Variants in FARS2 observed in about 807,000 individuals in gnomAD.
FARS2 encodes the protein phenylalanyl-tRNA synthetase 2, mitochondrial.
FARS2 carries 40 observed loss-of-function variants against 46.4 expected under a neutral mutation model. The ratio of observed to expected loss-of-function variants is 0.86; its 90% confidence interval spans 0.67 to 1.12. The LOEUF (loss-of-function observed/expected upper bound fraction) is 1.12. Among genes scored for constraint, FARS2 ranks in the 50% most tolerant of loss-of-function variants. The pLI, the probability that FARS2 is intolerant of heterozygous loss-of-function variation, is 0.00. For missense variants in FARS2, 513 were observed against 567.9 expected, an observed-to-expected ratio of 0.90 and a Z score of 0.98; for synonymous variants, 234 against 214.9, an observed-to-expected ratio of 1.09 and a Z score of -0.78.
At chr6:5,564,043 A>C (rs1401078294) in intron 5 of FARS2, among the ~76,000 whole-genome samples, 1 of 152,218 alleles carries the variant, frequency 6.6e-6, no homozygotes, top group Non-Finnish European at 1.5e-5. Flanking sequence ...AGTGATAGTA[A>C]AACTTTCATG....
At chr6:5,328,805 T>G (rs1770582824) in intron 1 of FARS2, among the ~76,000 whole-genome samples, 1 of 152,174 alleles carries the variant, frequency 6.6e-6, no homozygotes, top group African/African-American at 2.4e-5. Context: ...ACATGTAGAC[T>G]TTTTCTCTGC....
chr6:5,269,336 G>A (rs1765780100), intron 1 of FARS2, among the ~76,000 whole-genome samples: 1 of 151,534 alleles, frequency 6.6e-6, no homozygotes, highest in Non-Finnish European at 1.5e-5. Flanking sequence ...CGGGGCCTGT[G>A]GTGGGGTTGG....
intron 5 of FARS2, among the ~76,000 whole-genome samples, chr6:5,589,890 G>A (rs1165930169): frequency 1.3e-5 from 2 of 152,108 alleles, no homozygotes; most frequent in African/African-American, 2.4e-5. Flanking sequence ...TAAATGAGCT[G>A]CTATATCCTA....
At chr6:5,270,427 T>G (rs757847894) in intron 1 of FARS2, among the ~76,000 whole-genome samples, 13 of 152,186 alleles carry the variant, frequency 8.5e-5, no homozygotes, top group Non-Finnish European at 1.5e-4. Context: ...AAGTAAACTA[T>G]CCCAGATTAA....
At chr6:5,618,304 C>CA (rs1159125598) in intron 6 of FARS2, among the ~76,000 whole-genome samples, 4 of 152,302 alleles carry the variant, frequency 2.6e-5, no homozygotes, top group Non-Finnish European at 4.4e-5. Flanking sequence ...ATCTCCCCAC[C>CA]AAGTCCCTGA....
chr6:5,644,739 CT>C (rs1355753833), intron 6 of FARS2, among the ~76,000 whole-genome samples: 8 of 152,188 alleles, frequency 5.3e-5, no homozygotes, highest in Non-Finnish European at 1.0e-4. Context: ...TCATTGGCTG[CT>C]TACTTATTGT....
chr6:5,254,080 C>G, the FARS2 span, among the ~76,000 whole-genome samples: 1 of 152,206 alleles, frequency 6.6e-6, no homozygotes. Context: ...CCCGGCAAAA[C>G]TGTTTCATCT....
intron 1 of FARS2, among the ~76,000 whole-genome samples, chr6:5,367,457 T>G (rs562771327): frequency 9.2e-5 from 14 of 152,212 alleles, no homozygotes; most frequent in African/African-American, 3.4e-4. Flanking sequence ...TAAAACTGGC[T>G]TCTGTGGCAG....
At chr6:5,391,967 G>T (rs965281422) in intron 2 of FARS2, among the ~76,000 whole-genome samples, 2 of 152,182 alleles carry the variant, frequency 1.3e-5, no homozygotes, top group Non-Finnish European at 2.9e-5. Context: ...CACAAGGACA[G>T]TTAGGAAAAT....
At chr6:5,472,307 C>T (rs1435453748) in intron 4 of FARS2, among the ~76,000 whole-genome samples, 1 of 152,116 alleles carries the variant, frequency 6.6e-6, no homozygotes, top group East Asian at 1.9e-4. Context: ...AGTCATGGAT[C>T]GCTGAAGGCA....
chr6:5,719,541 A>T, intron 6 of FARS2, among the ~76,000 whole-genome samples: 1 of 152,150 alleles, frequency 6.6e-6, no homozygotes, highest in East Asian at 1.9e-4. Flanking sequence ...TGAAAGCGGG[A>T]GACCTTTCTT....
intron 6 of FARS2, among the ~76,000 whole-genome samples, chr6:5,616,809 A>G (rs530263045): frequency 6.6e-6 from 1 of 152,252 alleles, no homozygotes; most frequent in African/African-American, 2.4e-5. Flanking sequence ...ACTTTCTGAT[A>G]TGGCCGTAGC....
intron 6 of FARS2, among the ~76,000 whole-genome samples, chr6:5,690,865 A>G (rs1757654707): frequency 6.6e-6 from 1 of 152,172 alleles, no homozygotes; most frequent in African/African-American, 2.4e-5. Context: ...CTTTTCACAT[A>G]GTCCCATATT....
intron 4 of FARS2, among the ~76,000 whole-genome samples, chr6:5,482,972 A>G (rs923936586): frequency 3.3e-5 from 5 of 152,084 alleles, no homozygotes; most frequent in African/African-American, 1.2e-4. Flanking sequence ...CTGACTGACC[A>G]CTGCTGCCAG....
chr6:5,468,862 A>G (rs1765657600), intron 4 of FARS2, among the ~76,000 whole-genome samples: 1 of 152,220 alleles, frequency 6.6e-6, no homozygotes, highest in Non-Finnish European at 1.5e-5. Context: ...ATGTTCCTGG[A>G]TAGTCATATC....
chr6:5,559,028 G>A (rs1333115228), intron 5 of FARS2, among the ~76,000 whole-genome samples: 3 of 152,072 alleles, frequency 2.0e-5, no homozygotes, highest in Admixed American at 1.3e-4. Context: ...TTAACTTGCT[G>A]ATAAAAATGT....
chr6:5,311,195 G>A lies in FARS2; in HGVS notation c.-22+49535G>A, dbSNP rs549432978. Among the ~76,000 whole-genome samples, 2 of 152,304 alleles carry A rather than the reference G, an allele frequency of 1.3e-5. No individual in the cohort carries two copies. The highest frequency in any genetic ancestry group is 1.9e-4 in the East Asian group (1 of 5,186). The stretch of plus-strand genomic sequence containing the variant: ...GGATTTGTATGTGCTGTCAGAGAGG[G>A]AATTCCAGTGCATTTTGTTATTAAG... On this transcript the variant is annotated intron_variant, in intron 1 of 6. Transcript: ENST00000274680. This position sits in a 1 kb window ranked among gnomAD's most constrained non-coding sequence, Gnocchi z 4.1.
intron 5 of FARS2, among the ~76,000 whole-genome samples, chr6:5,594,308 C>T (rs918261323): frequency 2.0e-5 from 3 of 152,196 alleles, no homozygotes; most frequent in African/African-American, 7.2e-5. Flanking sequence ...ACCCTTGTTC[C>T]TTCAGTTCTT....
At position 5,277,884 on chromosome 6, in the gene FARS2, C is replaced by T. The variant is rs548726571; in HGVS notation, c.-22+16224C>T. Among the ~76,000 whole-genome samples, 4 of 152,254 alleles carry T rather than the reference C, an allele frequency of 2.6e-5. No homozygotes were observed. In the South Asian group the frequency reaches 8.3e-4, roughly 32 times the overall value. On this transcript the variant is annotated intron_variant, in intron 1 of 6. Transcript: ENST00000274680. ...CGACCCCTCATTTTAAGGAATATCACTGTACCCAGTCCATTTTGGGTATCC... is the reference window on the plus strand; with the variant it reads ...CGACCCCTCATTTTAAGGAATATCATTGTACCCAGTCCATTTTGGGTATCC...
Sources: allele counts gnomAD v4.1 joint callset (sites outside exome capture counted in the v4.1 genomes callset), GRCh38; gene constraint gnomAD v4.1.1; non-coding constraint Gnocchi (gnomAD v3.1); transcripts MANE v1.5; gene names NCBI Gene and HGNC (gene_info 2026-07-23, HGNC 2026-07-21).